Variants in WASL observed in about 807,000 individuals in gnomAD.
The protein encoded by WASL is actin nucleation-promoting factor WASL.
WASL carries 20 observed loss-of-function variants against 55.5 expected under a neutral mutation model. That is an observed-to-expected ratio of 0.36 (90% CI 0.25 to 0.52). The LOEUF (loss-of-function observed/expected upper bound fraction) is 0.52. WASL is among the 20% of genes least tolerant of loss of function. The pLI, the probability that WASL is intolerant of heterozygous loss-of-function variation, is 0.92. For missense variants in WASL, 504 were observed against 622.5 expected, an observed-to-expected ratio of 0.81 and a Z score of 2.03; for synonymous variants, 249 against 217.6, an observed-to-expected ratio of 1.14 and a Z score of -1.27.
At chr7:123,747,981 GGA>G (rs1804464744) in intron 1 of WASL, among the ~76,000 whole-genome samples, 1 of 150,664 alleles carries the variant, frequency 6.6e-6, no homozygotes. Context: ...ACCAATGGGG[GGA>G]AAAAAAAAAT....
intron 8 of WASL, among the ~76,000 whole-genome samples, 182 bp downstream of exon 8, chr7:123,694,533 A>G (rs1018133709): frequency 6.6e-6 from 1 of 151,586 alleles, no homozygotes; most frequent in Non-Finnish European, 1.5e-5. Context: ...AAAACCTTGT[A>G]AAGTTTTTTT....
rs1383386523 is a variant in WASL at position 123,711,394 on chromosome 7, G to A, written c.118-2171C>T. ...CAATGCTATAATTTTTCACAGACAGGATACTGCATTATAAACATTAAAACT... is the reference window on the plus strand; with the variant it reads ...CAATGCTATAATTTTTCACAGACAGAATACTGCATTATAAACATTAAAACT... On this transcript the variant is annotated intron_variant, in intron 1 of 10. Transcript: ENST00000223023. Among the ~76,000 whole-genome samples, 3 of 151,876 alleles carry A rather than the reference G, an allele frequency of 2.0e-5. No homozygotes were observed. In the East Asian group the frequency reaches 5.8e-4, roughly 29 times the overall value.
At chr7:123,703,730 C>G (rs1803624796) in intron 5 of WASL, among the ~76,000 whole-genome samples, 1 of 152,104 alleles carries the variant, frequency 6.6e-6, no homozygotes, top group Non-Finnish European at 1.5e-5. Flanking sequence ...CAACAATCAC[C>G]AATAGCTGTC....
intron 1 of WASL, among the ~76,000 whole-genome samples, chr7:123,731,583 A>G (rs993600223): frequency 6.6e-6 from 1 of 152,232 alleles, no homozygotes; most frequent in African/African-American, 2.4e-5. Context: ...ACAAATTTAA[A>G]AGAATAGAAA....
chr7:123,704,576 A>T (rs1678868469), intron 5 of WASL, 58 bp downstream of exon 5: 1 of 1,363,724 alleles, frequency 7.3e-7, no homozygotes, highest in African/African-American at 1.5e-5. Context: ...ACATGTTTCC[A>T]CAAGGATTAA....
intron 10 of WASL, among the ~76,000 whole-genome samples, chr7:123,686,968 C>T (rs530524913): frequency 1.3e-5 from 2 of 152,294 alleles, no homozygotes; most frequent in South Asian, 2.1e-4. Flanking sequence ...CTTCCAGACT[C>T]ATAACGAAAT....
chr7:123,696,136 C>T (rs1803488199), intron 6 of WASL, among the ~76,000 whole-genome samples: 1 of 151,860 alleles, frequency 6.6e-6, no homozygotes, highest in Admixed American at 6.6e-5. Flanking sequence ...GCATAAGAGT[C>T]CAAGCATTAT....
chr7:123,713,512 T>G (rs562014177), intron 1 of WASL, among the ~76,000 whole-genome samples: 23 of 152,262 alleles, frequency 1.5e-4, no homozygotes, highest in African/African-American at 5.5e-4. Flanking sequence ...ATCATATGAC[T>G]TAACAAAATA....
intron 1 of WASL, among the ~76,000 whole-genome samples, chr7:123,733,953 C>CTTA (rs1804184314): frequency 6.7e-6 from 1 of 148,882 alleles, no homozygotes; most frequent in Non-Finnish European, 1.5e-5. Context: ...AGGCACTGAC[C>CTTA]TTATGACTTA....
chr7:123,732,989 T>A (rs1053192810), intron 1 of WASL, among the ~76,000 whole-genome samples: 2 of 151,628 alleles, frequency 1.3e-5, no homozygotes, highest in East Asian at 3.9e-4. Flanking sequence ...TAAAAAAAAA[T>A]CTCAAAAATA....
In WASL at chr7:123,692,414, C is replaced by A. The variant is rs549487451; in HGVS notation, c.1280G>T (p.Arg427Leu). 5 of 1,613,850 alleles carry A rather than the reference C, an allele frequency of 3.1e-6. No individual in the cohort carries two copies. ...AQLKKVEQNSRPVSCSGRDAL... is the reference protein window; with the variant it reads ...AQLKKVEQNSLPVSCSGRDAL... Reference sequence around the variant, plus strand: ...ATCTCGTCCAGAGCAGGACACTGGCCGACTGTTCTGCTCCACTTTTTTTAG... The same window carrying A: ...ATCTCGTCCAGAGCAGGACACTGGCAGACTGTTCTGCTCCACTTTTTTTAG... Residue 427 changes from arginine to leucine, a missense_variant, in exon 9 of 11, where the codon CGG becomes CTG. By Grantham distance (102) the Arg-to-Leu change is moderately radical. Around this residue, in one of 5 missense-constraint regions of WASL, gnomAD observed 201 missense variants for 206.2 expected, o/e 0.97. Transcript: ENST00000223023.
At chr7:123,740,983 G>A (rs1413169210) in intron 1 of WASL, among the ~76,000 whole-genome samples, 4 of 152,062 alleles carry the variant, frequency 2.6e-5, no homozygotes, top group African/African-American at 7.2e-5. Context: ...GGGTTCTCTG[G>A]GTACTTGGAT....
intron 1 of WASL, among the ~76,000 whole-genome samples, chr7:123,741,344 A>G (rs926501743): frequency 2.6e-4 from 40 of 152,198 alleles, no homozygotes; most frequent in African/African-American, 9.4e-4. Flanking sequence ...GTTTATATCA[A>G]TTACCCTATG....
rs1803672517 is a variant in WASL, at chr7:123,706,507, T to C, written c.340-134A>G. 3.3e-6 allele frequency: 3 copies of C among 903,422 alleles called. No individual in the cohort carries two copies. In the South Asian group the frequency reaches 5.3e-5, roughly 16 times the overall value. 56.0% of individuals were successfully genotyped at this position (903,422 alleles called of 1,614,324 possible). On this transcript the variant is annotated intron_variant, in intron 3 of 10. Coordinates refer to ENST00000223023, the MANE Select transcript of WASL (RefSeq NM_003941.4). Reference sequence around the variant, plus strand: ...TTTACTAGCAGATAAGACATTATTTTATGATCTGAATAACTTAACACAAAA... The same window carrying C: ...TTTACTAGCAGATAAGACATTATTTCATGATCTGAATAACTTAACACAAAA...
rs1803427695 is a variant in WASL at position 123,692,505 on chromosome 7, G to A, written c.1189C>T (p.His397Tyr). The A allele has an allele frequency of 6.2e-7, 1 of 1,614,094 alleles. No homozygotes were observed. ...TTTCCTGCAGTAGTTGGAACCTGAT[G>A]GTCCCCATCAGAAGGCAGGCCAGGC... Reference protein sequence around the residue: ...PPPGLPSDGDHQVPTTAGNKA... With the variant: ...PPPGLPSDGDYQVPTTAGNKA... Residue 397 changes from histidine to tyrosine, a missense_variant, in exon 9 of 11, where the codon CAT becomes TAT. Physicochemically the swap from His to Tyr is moderately conservative, Grantham distance 83. Transcript: ENST00000223023.
chr7:123,691,610 C>T (rs1395568432), intron 9 of WASL, among the ~76,000 whole-genome samples: 2 of 151,790 alleles, frequency 1.3e-5, no homozygotes, highest in African/African-American at 4.9e-5. Context: ...GGCCATACTG[C>T]CTATATAAGC....
intron 1 of WASL, among the ~76,000 whole-genome samples, chr7:123,710,486 G>C (rs1803737843): frequency 6.6e-6 from 1 of 151,724 alleles, no homozygotes; most frequent in Non-Finnish European, 1.5e-5. Context: ...GCCCTTTTTT[G>C]GTAAGAGGAA....
intron 10 of WASL, among the ~76,000 whole-genome samples, chr7:123,687,568 CT>C (rs1171931643): frequency 6.6e-6 from 1 of 152,114 alleles, no homozygotes; most frequent in African/African-American, 2.4e-5. Flanking sequence ...TTTATTGTCC[CT>C]TATCATCCTT....
chr7:123,704,836 AT>A (rs1408864573), intron 4 of WASL, among the ~76,000 whole-genome samples, 179 bp from the exon 5 acceptor site: 1 of 152,194 alleles, frequency 6.6e-6, no homozygotes, highest in Non-Finnish European at 1.5e-5. Context: ...GGAACAATAC[AT>A]TCAAAGGCCC....
Sources: allele counts gnomAD v4.1 joint callset (sites outside exome capture counted in the v4.1 genomes callset), GRCh38; gene constraint gnomAD v4.1.1; regional missense constraint gnomAD v4.1.1; transcripts MANE v1.5; gene names NCBI Gene and HGNC (gene_info 2026-07-23, HGNC 2026-07-21).